SPON1: variants seen among roughly 807,000 people sequenced by gnomAD.
SPON1 encodes the protein spondin-1.
In SPON1, 52 loss-of-function variants were observed where a neutral mutation model predicts 111.7. The observed-to-expected ratio is 0.47, with a 90% CI of 0.37 to 0.59. The LOEUF (loss-of-function observed/expected upper bound fraction) is 0.59, where lower values mean the gene tolerates loss of function less well. SPON1 is among the 20% of genes least tolerant of loss of function. The probability of loss-of-function intolerance (pLI) is 0.00; values close to 1 mark genes in which losing one functional copy is unlikely to be tolerated. For synonymous variants in SPON1, 410 were observed against 395.8 expected (o/e 1.04, Z -0.43); for missense variants, 957 against 1,068.5 (o/e 0.90, Z 1.46).
rs1216080158 is a variant in SPON1, at chr11:14,160,691, T to TTATATATTTA, written c.825+25149_825+25158dup. 1.7e-4 allele frequency among the ~76,000 whole-genome samples: 2 copies of TTATATATTTA among 11,548 alleles called. 1 individual carries two copies. The highest frequency in any genetic ancestry group is 2.3e-4 in the Non-Finnish European group (2 of 8,676). 7.6% of individuals were successfully genotyped at this position (11,548 alleles called of 152,430 possible). ...TATTTACATATATTTATATATATAT[T>TTATATATTTA]TATATATTTATATATATTTATATAT... On this transcript the variant is annotated intron_variant, in intron 6 of 15. Transcript: ENST00000576479.
chr11:14,090,680 A>G (rs1849043889), intron 5 of SPON1, among the ~76,000 whole-genome samples: 1 of 151,964 alleles, frequency 6.6e-6, no homozygotes, highest in African/African-American at 2.4e-5. Context: ...GGTGAGTGTT[A>G]CAGCTCATAA....
chr11:14,213,612 T>C (rs782549571), intron 6 of SPON1, among the ~76,000 whole-genome samples: 4 of 152,210 alleles, frequency 2.6e-5, no homozygotes, highest in Non-Finnish European at 4.4e-5. Flanking sequence ...ACTTTCTATG[T>C]ACAAAGCTAT....
At chr11:13,984,000 A>G (rs1215277042) in intron 2 of SPON1, among the ~76,000 whole-genome samples, 2 of 152,028 alleles carry the variant, frequency 1.3e-5, no homozygotes, top group African/African-American at 4.8e-5. Flanking sequence ...CTGGGATTCT[A>G]GGTTTTGGGC....
chr11:14,020,724 T>C (rs1261652429), intron 2 of SPON1, among the ~76,000 whole-genome samples: 3 of 152,196 alleles, frequency 2.0e-5, no homozygotes, highest in African/African-American at 7.2e-5. Flanking sequence ...GTAGTACATC[T>C]TGGCAGTGGA....
At chr11:14,255,867 A>G (rs1849101590) in intron 9 of SPON1, 80 bp downstream of exon 9, 1 of 1,451,292 alleles carries the variant, frequency 6.9e-7, no homozygotes, top group Admixed American at 2.2e-5. Flanking sequence ...CTGCTCTAGA[A>G]TCATAGAGTC....
At chr11:14,098,015 A>G (rs1554924046) in intron 5 of SPON1, among the ~76,000 whole-genome samples, 2 of 152,102 alleles carry the variant, frequency 1.3e-5, no homozygotes, top group East Asian at 1.9e-4. Flanking sequence ...TTTCTTTTTG[A>G]GACGGAGTCT....
chr11:14,113,624 A>G lies in SPON1; in HGVS notation c.677-21796A>G, dbSNP rs1381343508. 2.3e-4 allele frequency among the ~76,000 whole-genome samples: 17 copies of G among 75,520 alleles called. No homozygotes were observed. In the South Asian group the frequency reaches 8.5e-3, roughly 38 times the overall value. 49.5% of individuals were successfully genotyped at this position (75,520 alleles called of 152,430 possible). A position where few individuals can be genotyped will look rare whatever the true frequency, so the allele number is the denominator to read the frequency against. On this transcript the variant is annotated intron_variant, in intron 5 of 15. Transcript: ENST00000576479. ...TTTTTTTTTTTTTTTTTTTTTTGAG[A>G]CGGAGTCTCGCTCTGTCGCCCAGGC...
At chr11:14,252,863 T>G (rs1195459019) in intron 7 of SPON1, among the ~76,000 whole-genome samples, 1 of 152,262 alleles carries the variant, frequency 6.6e-6, no homozygotes, top group Non-Finnish European at 1.5e-5. Context: ...AACAAATTGC[T>G]GGGTCCTACC....
At chr11:14,103,662 T>C (rs1554924621) in intron 5 of SPON1, among the ~76,000 whole-genome samples, 1 of 152,214 alleles carries the variant, frequency 6.6e-6, no homozygotes, top group East Asian at 1.9e-4. Flanking sequence ...GCTTCTGAAG[T>C]TTCCCTGGGT....
At chr11:14,149,102 A>G (rs1249730765) in intron 6 of SPON1, among the ~76,000 whole-genome samples, 2 of 152,180 alleles carry the variant, frequency 1.3e-5, no homozygotes, top group Non-Finnish European at 2.9e-5. Flanking sequence ...GCTATAAAAC[A>G]GCCTCAGGCA....
chr11:14,109,327 T>G (rs1448618325), intron 5 of SPON1, among the ~76,000 whole-genome samples: 2 of 152,182 alleles, frequency 1.3e-5, no homozygotes, highest in African/African-American at 4.8e-5. Flanking sequence ...TCCCTAGGGT[T>G]ATGTTCTTCA....
chr11:13,967,404 TG>T (rs1390093938), intron 1 of SPON1, among the ~76,000 whole-genome samples: 15 of 152,358 alleles, frequency 9.8e-5, no homozygotes, highest in Admixed American at 7.2e-4. Context: ...TTTCTCTTAT[TG>T]GCTTCAGTGT....
chr11:14,078,079 C>T (rs187795255), intron 4 of SPON1, among the ~76,000 whole-genome samples: 7 of 152,214 alleles, frequency 4.6e-5, no homozygotes, highest in Admixed American at 1.3e-4. Context: ...AGTAAGTGGA[C>T]GATTCTTATC....
chr11:14,172,030 C>G (rs372480897), intron 6 of SPON1, among the ~76,000 whole-genome samples: 3 of 152,156 alleles, frequency 2.0e-5, no homozygotes, highest in African/African-American at 7.2e-5. Flanking sequence ...GAGCTGAGTT[C>G]AATTCCTGGA....
intron 3 of SPON1, among the ~76,000 whole-genome samples, chr11:14,051,371 C>CA (rs1190658740): frequency 6.6e-6 from 1 of 151,942 alleles, no homozygotes; most frequent in African/African-American, 2.4e-5. Context: ...CTTGTCTCTA[C>CA]AAAAAATAAA....
chr11:14,033,305 G>A (rs548492385), intron 2 of SPON1, among the ~76,000 whole-genome samples: 8 of 152,284 alleles, frequency 5.3e-5, no homozygotes, highest in East Asian at 3.9e-4. Context: ...TGCCACTTAC[G>A]TGGACTTTGG....
chr11:14,017,589 T>C (rs1216164507), intron 2 of SPON1, among the ~76,000 whole-genome samples: 8 of 152,200 alleles, frequency 5.3e-5, no homozygotes, highest in African/African-American at 1.9e-4. Flanking sequence ...ACTGGATTCT[T>C]ACCCAAATTT....
At chr11:14,025,658 C>T (rs372644818) in intron 2 of SPON1, among the ~76,000 whole-genome samples, 4 of 152,090 alleles carry the variant, frequency 2.6e-5, no homozygotes, top group Admixed American at 6.5e-5. Context: ...AAGGGTCATG[C>T]GGGTGGTGGT....
chr11:14,204,591 A>G lies in SPON1; in HGVS notation c.826-38741A>G, dbSNP rs182092933. On this transcript the variant is annotated intron_variant, in intron 6 of 15. Transcript: ENST00000576479. Reference sequence around the variant, plus strand: ...GCGTGAGTCACCATGCCCAGCTCCAAGTAAGATTTTCAACAAAGAGTCTTG... The same window carrying G: ...GCGTGAGTCACCATGCCCAGCTCCAGGTAAGATTTTCAACAAAGAGTCTTG... Among the ~76,000 whole-genome samples the G allele has an allele frequency of 6.0e-5, 9 of 150,712 alleles. No individual in the cohort carries two copies. The East Asian group carries it at 1.8e-3, about 30-fold the overall frequency.
Sources: allele counts gnomAD v4.1 joint callset (sites outside exome capture counted in the v4.1 genomes callset), GRCh38; gene constraint gnomAD v4.1.1; transcripts MANE v1.5; gene names NCBI Gene and HGNC (gene_info 2026-07-23, HGNC 2026-07-21).